UBE2F: variants seen among roughly 807,000 people sequenced by gnomAD.
UBE2F encodes NEDD8-conjugating enzyme UBE2F.
A neutral mutation model predicts 29.6 loss-of-function variants in UBE2F; 5 were observed. That is an observed-to-expected ratio of 0.17 (90% CI 0.09 to 0.36). UBE2F has a LOEUF of 0.36. Ranked by LOEUF, UBE2F falls within the 10% of genes least tolerant of loss-of-function variation. The pLI is 1.00. For missense variants in UBE2F, 141 were observed against 228.5 expected (o/e 0.62, Z 2.47); for synonymous variants, 66 against 81.8 (o/e 0.81, Z 1.04).
intron 4 of UBE2F, among the ~76,000 whole-genome samples, chr2:238,013,988 G>A (rs1192714235): frequency 6.6e-6 from 1 of 152,236 alleles, no homozygotes; most frequent in Non-Finnish European, 1.5e-5. Context: ...CGGTGCACGT[G>A]TAGTTACAGA....
chr2:237,986,586 A>G (rs977735930), intron 2 of UBE2F, among the ~76,000 whole-genome samples: 17 of 152,210 alleles, frequency 1.1e-4, no homozygotes, highest in Admixed American at 9.8e-4. Context: ...AATCATTGCC[A>G]AGGCCCTTGT....
intron 4 of UBE2F, among the ~76,000 whole-genome samples, chr2:238,008,866 C>T (rs2063959140): frequency 6.6e-6 from 1 of 152,202 alleles, no homozygotes; most frequent in Non-Finnish European, 1.5e-5. Flanking sequence ...AAATATATGT[C>T]TCCACATACT....
intron 1 of UBE2F, among the ~76,000 whole-genome samples, chr2:237,970,592 C>T (rs2063155512): frequency 6.6e-6 from 1 of 152,170 alleles, no homozygotes; most frequent in Admixed American, 6.5e-5. Flanking sequence ...GTCTTTGAAA[C>T]CTTTAGACCA....
At chr2:238,038,001 C>T (rs1261773764) in intron 9 of UBE2F, among the ~76,000 whole-genome samples, 4 of 152,178 alleles carry the variant, frequency 2.6e-5, no homozygotes, top group East Asian at 1.9e-4. Context: ...CTGTGTGCCG[C>T]GACCAAGTAG....
intron 4 of UBE2F, among the ~76,000 whole-genome samples, chr2:238,009,311 T>C (rs1380855355): frequency 1.3e-5 from 2 of 152,206 alleles, no homozygotes; most frequent in African/African-American, 4.8e-5. Context: ...TTTAAATATT[T>C]TTCTGTGATC....
intron 9 of UBE2F, among the ~76,000 whole-genome samples, chr2:238,036,156 T>G (rs898558750): frequency 3.4e-5 from 5 of 148,570 alleles, no homozygotes; most frequent in Non-Finnish European, 7.4e-5. Context: ...TGTGTGTTTG[T>G]TTTTTTGTTT....
intron 5 of UBE2F, among the ~76,000 whole-genome samples, chr2:238,024,618 T>C (rs1253990631): frequency 6.6e-6 from 1 of 152,148 alleles, no homozygotes; most frequent in Non-Finnish European, 1.5e-5. Context: ...TGCTGAGATT[T>C]TTTTCTCCTG....
At chr2:238,006,759 C>CTTTTTTTTTTTTT (rs60514924) in intron 4 of UBE2F, among the ~76,000 whole-genome samples, 11 of 125,584 alleles carry the variant, frequency 8.8e-5, no homozygotes, top group African/African-American at 3.2e-4. Flanking sequence ...TTTCTTTTTT[C>CTTTTTTTTTTTTT]TTTTTTTTTT....
chr2:237,970,972 C>T (rs990364371), intron 1 of UBE2F, among the ~76,000 whole-genome samples: 2 of 152,182 alleles, frequency 1.3e-5, no homozygotes, highest in African/African-American at 4.8e-5. Context: ...CTCGGCCTAC[C>T]GAAGTGCTGG....
Position 237,967,190 on chromosome 2 carries a change from C to T in UBE2F, c.-17+58C>T, listed in dbSNP as rs1193643998. On this transcript the variant is annotated intron_variant, in intron 1 of 9. Coordinates refer to ENST00000272930, the MANE Select transcript of UBE2F (RefSeq NM_080678.3). This position sits in a 1 kb window ranked among gnomAD's most constrained non-coding sequence, Gnocchi z 6.3. ...CGAGGTGCGGCCGCCGGTGCACGGG[C>T]TGGCCTGCGGGCCGGGCGGAGGGCG... 3.7e-6 allele frequency: 4 copies of T among 1,084,168 alleles called. No individual in the cohort carries two copies. The highest frequency in any genetic ancestry group is 1.7e-5 in the African/African-American group (1 of 59,324). The allele number at this position is 1,084,168 out of a possible 1,614,324, so 67.2% of individuals were successfully genotyped here. A position where few individuals can be genotyped will look rare whatever the true frequency, so the allele number is the denominator to read the frequency against.
In UBE2F at chr2:238,042,001, A is replaced by G. The variant is rs1004179301; in HGVS notation, c.*663A>G. ...TTTTCATTGTATAGAGCAGACAGAA[A>G]GATGTTGGGTCAAGCAACTATTGAA... On this transcript the variant is annotated 3_prime_UTR_variant, in exon 10 of 10. Transcript: ENST00000272930. The G allele has an allele frequency of 2.0e-5, 3 of 152,684 alleles. No homozygotes were observed. Among genetic ancestry groups the G allele is most frequent in the Non-Finnish European group, 4.4e-5 (3 of 68,052 alleles). The allele number at this position is 152,684 out of a possible 1,614,324, so 9.5% of individuals were successfully genotyped here.
intron 4 of UBE2F, among the ~76,000 whole-genome samples, chr2:237,995,881 A>G (rs13001331): frequency 6.6e-6 from 1 of 152,240 alleles, no homozygotes; most frequent in Non-Finnish European, 1.5e-5. Flanking sequence ...GTACTTGGGT[A>G]TAGGAGTTAA....
chr2:237,973,297 A>T lies in UBE2F; in HGVS notation c.118+72A>T, dbSNP rs58272534. ...AAGTTTGACTGGAGAGTCTTTGGGG[A>T]TATAAAGCAACCTACTGCTGAATAG... On this transcript the variant is annotated intron_variant, in intron 2 of 9. Coordinates refer to ENST00000272930, the MANE Select transcript of UBE2F (RefSeq NM_080678.3). 5.0e-3 allele frequency: 7,611 copies of T among 1,528,938 alleles called. 325 individuals carry two copies. In the African/African-American group the frequency reaches 0.093, roughly 19 times the overall value. The allele number at this position is 1,528,938 out of a possible 1,614,324, so 94.7% of individuals were successfully genotyped here.
chr2:237,989,916 C>T (rs1013677827), intron 3 of UBE2F, among the ~76,000 whole-genome samples: 2 of 151,650 alleles, frequency 1.3e-5, no homozygotes, highest in Non-Finnish European at 2.9e-5. Flanking sequence ...CTCAGGAGTT[C>T]GAGACCAGCT....
chr2:238,010,174 T>G (rs1320915057), intron 4 of UBE2F, among the ~76,000 whole-genome samples: 1 of 152,184 alleles, frequency 6.6e-6, no homozygotes, highest in East Asian at 1.9e-4. Context: ...TGAGCTTTAT[T>G]TATTTGGTTT....
intron 5 of UBE2F, among the ~76,000 whole-genome samples, chr2:238,018,250 A>G (rs2064208837): frequency 6.6e-6 from 1 of 152,196 alleles, no homozygotes; most frequent in Admixed American, 6.5e-5. Context: ...TTCTGGAAAC[A>G]AACAGGCATA....
In UBE2F at chr2:237,987,981, C is replaced by G. The variant is rs768824145; in HGVS notation, c.137C>G (p.Ala46Gly). ...TCTACAGAGGTTGCAGAACTTGAAG[C>G]TAATTTACCTTGTAAGTATAGCATC... is the stretch of plus-strand genomic sequence containing the variant. ...LLVKEVAELE[A>G]NLPCTCKVHF... Residue 46 changes from alanine (A) to glycine (G), a missense_variant, in exon 3 of 10, where the codon GCT becomes GGT. By Grantham distance (60) the Ala-to-Gly change is moderately conservative (BLOSUM62 0). Coordinates refer to ENST00000272930, the MANE Select transcript of UBE2F (RefSeq NM_080678.3). 6.6e-7 allele frequency: 1 copy of G among 1,505,914 alleles called. No homozygotes were observed. Among genetic ancestry groups the G allele is most frequent in the Non-Finnish European group, 8.9e-7 (1 of 1,124,538 alleles). The allele number at this position is 1,505,914 out of a possible 1,614,324, so 93.3% of individuals were successfully genotyped here.
intron 1 of UBE2F, among the ~76,000 whole-genome samples, chr2:237,971,745 T>TTGTTACAA (rs3054478): frequency 0.84 from 128,191 of 151,910 alleles, 54,204 homozygotes; most frequent in East Asian, 0.97. Flanking sequence ...GATAGTTACT[T>TTGTTACAA]TGTTACAATT....
intron 2 of UBE2F, among the ~76,000 whole-genome samples, chr2:237,977,574 A>G (rs1027722998): frequency 3.9e-5 from 6 of 152,080 alleles, no homozygotes; most frequent in African/African-American, 1.4e-4. Flanking sequence ...TCCTTTGTTT[A>G]GCTTGCTTTG....
Sources: gnomAD v4.1 joint callset for allele counts (sites outside exome capture counted in the v4.1 genomes callset) on GRCh38, gnomAD v4.1.1 for gene constraint, Gnocchi (gnomAD v3.1) non-coding constraint, MANE v1.5 for transcripts, NCBI Gene and HGNC (gene_info 2026-07-23, HGNC 2026-07-21) for gene names.